The following DNAAF4 variants were observed in gnomAD, a reference collection of about 807,000 sequenced individuals.
DNAAF4 encodes the protein dynein assembly factor 4, axonemal.
Under a neutral mutation model 51.8 loss-of-function variants are expected in DNAAF4, and 43 were observed. The ratio of observed to expected loss-of-function variants is 0.83; its 90% CI spans 0.65 to 1.07. DNAAF4 has a LOEUF of 1.07. Ranked by LOEUF, DNAAF4 falls within the 50% of genes least tolerant of loss-of-function variation. The pLI is 0.00. For synonymous variants in DNAAF4, 194 were observed against 165.6 expected (o/e 1.17, Z -1.32); for missense variants, 581 against 493.0 (o/e 1.18, Z -1.69).
At chr15:55,455,387 A>AATAT (rs10688653) in intron 5 of DNAAF4, among the ~76,000 whole-genome samples, 30,209 of 126,914 alleles carry the variant, frequency 0.24, 3,948 homozygotes, top group East Asian at 0.48. Flanking sequence ...TAGCAAATTG[A>AATAT]ATATATATAT....
At chr15:55,462,591 G>A (rs904502485) in intron 5 of DNAAF4, among the ~76,000 whole-genome samples, 2 of 148,106 alleles carry the variant, frequency 1.4e-5, no homozygotes, top group African/African-American at 5.0e-5. Context: ...ATTCTACAAC[G>A]CCAGTACTAC....
In DNAAF4 at chr15:55,498,223, G is replaced by C; in HGVS notation, c.107C>G (p.Thr36Arg). The C allele has an allele frequency of 2.5e-6, 4 of 1,613,938 alleles. No homozygotes were observed. The highest frequency in any genetic ancestry group is 3.4e-6 in the Non-Finnish European group (4 of 1,179,934). The change falls in exon 2 of 10, where the codon ACG becomes AGG. Residue 36 changes from threonine (T) to arginine (R), a missense_variant. Transcript: ENST00000321149. ...CATTCTTACCTTCAGATAGTTTTCC[G>C]TGCAGAACACGTCCGTGTCTCTGAC... ...VCVRDTDVFCTENYLKVNFPP... is the reference protein window; with the variant it reads ...VCVRDTDVFCRENYLKVNFPP...
chr15:55,476,295 C>T (rs905368580), intron 4 of DNAAF4, among the ~76,000 whole-genome samples: 1 of 151,928 alleles, frequency 6.6e-6, no homozygotes, highest in African/African-American at 2.4e-5. Flanking sequence ...CAGAGTATCC[C>T]CATCTTTACT....
At chr15:55,457,425 G>A (rs1168518323) in intron 5 of DNAAF4, among the ~76,000 whole-genome samples, 1 of 152,106 alleles carries the variant, frequency 6.6e-6, no homozygotes, top group Non-Finnish European at 1.5e-5. Context: ...CCTGAGCCCA[G>A]ACCCAACTAA....
chr15:55,461,387 C>A (rs554675146), intron 5 of DNAAF4, among the ~76,000 whole-genome samples: 1 of 152,048 alleles, frequency 6.6e-6, no homozygotes, highest in African/African-American at 2.4e-5. Context: ...TGAGCCACCA[C>A]GCCCAGCCCA....
intron 4 of DNAAF4, 49 bp from the exon 5 acceptor site, chr15:55,467,210 T>A: frequency 1.4e-6 from 2 of 1,385,040 alleles, no homozygotes; most frequent in Non-Finnish European, 2.0e-6. Flanking sequence ...AAAAGCAACA[T>A]TTATTTAAAT....
Position 55,467,043 on chromosome 15 carries a change from A to AT in DNAAF4, c.523dup (p.Ile175AsnfsTer15), listed in dbSNP as rs751610886. ...TTGACATAATTTCTCTTCTCTCTGA[A>AT]TTTTTTTTTGCTCCTCAGCTTTTCT... On this transcript the variant is annotated frameshift_variant, in exon 5 of 10. Coordinates refer to ENST00000321149, the MANE Select transcript of DNAAF4 (RefSeq NM_130810.4). LOFTEE classifies it high-confidence loss of function. The AT allele has an allele frequency of 6.4e-5, 99 of 1,548,996 alleles. No homozygotes were observed. Among genetic ancestry groups the AT allele is most frequent in the South Asian group, 1.3e-4 (11 of 81,952 alleles).
At position 55,450,283 on chromosome 15, in the gene DNAAF4, T is replaced by C. The variant is rs1420329182; in HGVS notation, c.722A>G (p.Asn241Ser). 2 of 1,613,944 alleles carry C rather than the reference T, an allele frequency of 1.2e-6. No individual in the cohort carries two copies. Among genetic ancestry groups the C allele is most frequent in the East Asian group, 2.2e-5 (1 of 44,874 alleles). The change falls in exon 6 of 10, where the codon AAC becomes AGC. Residue 241 changes from asparagine (N) to serine (S), a missense_variant. Physicochemically the swap from Asn to Ser is conservative, Grantham distance 46 (BLOSUM62 1). Transcript: ENST00000321149. ...TGTTGGGAATACTCGAGGGGTAAAGTTGATTTTAATACTGCCAACAGAGCG... is the reference window on the plus strand; with the variant it reads ...TGTTGGGAATACTCGAGGGGTAAAGCTGATTTTAATACTGCCAACAGAGCG... ...APRSVGSIKI[N>S]FTPRVFPTAL...
intron 7 of DNAAF4, among the ~76,000 whole-genome samples, chr15:55,424,536 CAA>C (rs1055362815): frequency 1.3e-5 from 2 of 152,128 alleles, no homozygotes; most frequent in Non-Finnish European, 2.9e-5. Flanking sequence ...TCTCCTTGAC[CAA>C]ACTCTAGATA....
At chr15:55,440,004 C>A (rs2057682277) in intron 6 of DNAAF4, among the ~76,000 whole-genome samples, 1 of 152,138 alleles carries the variant, frequency 6.6e-6, no homozygotes, top group Non-Finnish European at 1.5e-5. Context: ...TTAAGCCACC[C>A]AGTCTATGGT....
chr15:55,449,691 G>T (rs2057901325), intron 6 of DNAAF4, among the ~76,000 whole-genome samples: 1 of 99,744 alleles, frequency 1.0e-5, no homozygotes, highest in Non-Finnish European at 1.9e-5. Flanking sequence ...ACAACAAAAA[G>T]ACCGCTTTTT....
At position 55,501,534 on chromosome 15, in the gene DNAAF4, T is replaced by G. The variant is rs1016177276; in HGVS notation, c.-255-2950A>C. On this transcript the variant is annotated intron_variant, in intron 1 of 9. Coordinates refer to ENST00000321149, the MANE Select transcript of DNAAF4 (RefSeq NM_130810.4). The stretch of plus-strand genomic sequence containing the variant: ...GGGACTACAGGTGCCCGCCACCGCA[T>G]CCGGCTGATTTTTTGCATTTTTAGT... Among the ~76,000 whole-genome samples, 4 of 147,306 alleles carry G rather than the reference T, an allele frequency of 2.7e-5. No individual in the cohort carries two copies. In the South Asian group the frequency reaches 8.8e-4, roughly 32 times the overall value.
intron 8 of DNAAF4, among the ~76,000 whole-genome samples, chr15:55,433,422 C>T (rs569145675): frequency 4.6e-5 from 7 of 152,020 alleles, no homozygotes; most frequent in African/African-American, 1.4e-4. Context: ...GTCAGGAGAT[C>T]GAGACCATCC....
At chr15:55,495,455 A>G (rs1488144736) in intron 3 of DNAAF4, among the ~76,000 whole-genome samples, 1 of 152,206 alleles carries the variant, frequency 6.6e-6, no homozygotes, top group Non-Finnish European at 1.5e-5. Flanking sequence ...TCCAGGCAGT[A>G]GTCTGGGTGC....
At chr15:55,457,185 C>A (rs930510012) in intron 5 of DNAAF4, among the ~76,000 whole-genome samples, 2 of 152,174 alleles carry the variant, frequency 1.3e-5, no homozygotes, top group African/African-American at 2.4e-5. Flanking sequence ...TGCTCACCAA[C>A]TGCCTGGATA....
intron 6 of DNAAF4, among the ~76,000 whole-genome samples, chr15:55,445,690 C>G (rs568356332): frequency 2.2e-3 from 336 of 149,820 alleles, no homozygotes; most frequent in African/African-American, 7.8e-3. Context: ...CCTCACCTCC[C>G]AAACGAAGGG....
chr15:55,455,412 A>ATATATT (rs1227228964), intron 5 of DNAAF4, among the ~76,000 whole-genome samples: 3 of 146,186 alleles, frequency 2.1e-5, no homozygotes, highest in African/African-American at 7.5e-5. Context: ...ATATATATAT[A>ATATATT]TTCAATCTAA....
chr15:55,473,349 GTGTATATATA>G (rs2058293343), intron 4 of DNAAF4, among the ~76,000 whole-genome samples: 4 of 141,144 alleles, frequency 2.8e-5, no homozygotes, highest in South Asian at 2.3e-4. Context: ...ATATATATGT[GTGTATATATA>G]TGTGTGTGTG....
At chr15:55,482,057 C>T (rs376379004) in intron 4 of DNAAF4, among the ~76,000 whole-genome samples, 34 of 152,318 alleles carry the variant, frequency 2.2e-4, no homozygotes, top group South Asian at 2.1e-3. Context: ...TGCTTGAGCC[C>T]GCTTACACTC....
Sources: allele counts gnomAD v4.1 joint callset (sites outside exome capture counted in the v4.1 genomes callset), GRCh38; gene constraint gnomAD v4.1.1; transcripts MANE v1.5; gene names NCBI Gene and HGNC (gene_info 2026-07-23, HGNC 2026-07-21).